KHDRBS2: variants seen among roughly 807,000 people sequenced by gnomAD.
The protein encoded by KHDRBS2 is KH domain-containing, RNA-binding, signal transduction-associated protein 2.
A neutral mutation model predicts 44.3 loss-of-function variants in KHDRBS2; 26 were observed. The ratio of observed to expected loss-of-function variants is 0.59; its 90% CI spans 0.43 to 0.81. The LOEUF is 0.81. Ranked by LOEUF, KHDRBS2 falls within the 40% of genes least tolerant of loss-of-function variation. KHDRBS2 has a pLI of 0.00. For synonymous variants in KHDRBS2, 194 were observed against 151.1 expected (o/e 1.28, Z -2.08); for missense variants, 476 against 433.1 (o/e 1.10, Z -0.88).
chr6:61,849,632 G>GTT (rs201486071), intron 6 of KHDRBS2, among the ~76,000 whole-genome samples: 4 of 144,396 alleles, frequency 2.8e-5, no homozygotes, highest in African/African-American at 5.1e-5. Context: ...GAGAAACAAA[G>GTT]TTTTTTTTTT....
chr6:62,237,977 T>TGCAGTGA (rs150187166), intron 1 of KHDRBS2, among the ~76,000 whole-genome samples: 6 of 150,576 alleles, frequency 4.0e-5, no homozygotes, highest in African/African-American at 7.4e-5. Context: ...AGGCGGAGGT[T>TGCAGTGA]GCAGTGAGCA....
At chr6:61,573,967 G>C in the KHDRBS2 span, among the ~76,000 whole-genome samples, 89,733 of 151,734 alleles carry the variant, frequency 0.59, 26,732 homozygotes, top group Non-Finnish European at 0.61. Flanking sequence ...CAATAGAGAA[G>C]CCAGAAATGA....
At chr6:61,736,067 T>G (rs1194542614) in intron 6 of KHDRBS2, among the ~76,000 whole-genome samples, 2 of 151,822 alleles carry the variant, frequency 1.3e-5, no homozygotes, top group Non-Finnish European at 2.9e-5. Context: ...TATTCTTCAG[T>G]TGTGGAAAAT....
chr6:61,771,526 G>C (rs1169953939), intron 6 of KHDRBS2, among the ~76,000 whole-genome samples: 1 of 152,054 alleles, frequency 6.6e-6, no homozygotes, highest in Non-Finnish European at 1.5e-5. Flanking sequence ...AAAAAGGCAG[G>C]AGTTGCAATC....
In KHDRBS2 at chr6:62,095,677, A is replaced by G. The variant is rs1800435974; in HGVS notation, c.220-47683T>C. On this transcript the variant is annotated intron_variant, in intron 2 of 8. Transcript: ENST00000281156. The stretch of plus-strand genomic sequence containing the variant: ...GTTGTCTCCAAACAGGGACAATCTA[A>G]CTTTCTCATTTCTAATTTGTATACC... Among the ~76,000 whole-genome samples the G allele has an allele frequency of 2.0e-5, 3 of 152,022 alleles. No homozygotes were observed. The South Asian group carries it at 6.2e-4, about 31-fold the overall frequency.
chr6:62,130,292 T>G (rs528053085), intron 2 of KHDRBS2, among the ~76,000 whole-genome samples: 99 of 152,280 alleles, frequency 6.5e-4, no homozygotes, highest in African/African-American at 2.3e-3. Flanking sequence ...AGTGATAGTT[T>G]GCTGCACCTC....
chr6:61,607,118 C>A, the KHDRBS2 span, among the ~76,000 whole-genome samples: 1 of 151,488 alleles, frequency 6.6e-6, no homozygotes, highest in African/African-American at 2.4e-5. Flanking sequence ...AAGTTAGTTA[C>A]AACAGACTAT....
intron 6 of KHDRBS2, among the ~76,000 whole-genome samples, chr6:61,753,925 CAT>C (rs1407564141): frequency 6.6e-6 from 1 of 151,998 alleles, no homozygotes; most frequent in Non-Finnish European, 1.5e-5. Context: ...GGAGATAAGA[CAT>C]GTGGAAAAAA....
intron 2 of KHDRBS2, among the ~76,000 whole-genome samples, chr6:62,172,718 A>AC (rs1820299601): frequency 6.6e-6 from 1 of 151,252 alleles, no homozygotes; most frequent in African/African-American, 2.4e-5. Flanking sequence ...AAAAAAAAAA[A>AC]ACCTGGAATC....
chr6:61,784,382 TG>T (rs1355081765), intron 6 of KHDRBS2, among the ~76,000 whole-genome samples: 1 of 151,422 alleles, frequency 6.6e-6, no homozygotes, highest in Non-Finnish European at 1.5e-5. Context: ...TCTATGAAGA[TG>T]ATTTCAATTA....
intron 1 of KHDRBS2, among the ~76,000 whole-genome samples, chr6:62,259,200 C>T (rs1428259753): frequency 4.0e-5 from 6 of 151,860 alleles, no homozygotes; most frequent in Non-Finnish European, 7.4e-5. Flanking sequence ...CTGGAAATTA[C>T]CAAAACTATA....
chr6:61,591,332 A>C, the KHDRBS2 span, among the ~76,000 whole-genome samples: 458 of 152,306 alleles, frequency 3.0e-3, 4 homozygotes, highest in African/African-American at 0.011. Flanking sequence ...ATAAATCCAT[A>C]AGTATGGAGA....
chr6:62,009,566 T>G (rs1396066735), intron 3 of KHDRBS2, among the ~76,000 whole-genome samples: 2 of 152,144 alleles, frequency 1.3e-5, no homozygotes, highest in East Asian at 3.9e-4. Flanking sequence ...GAGATCTTCA[T>G]GGCAGCCGCT....
intron 6 of KHDRBS2, among the ~76,000 whole-genome samples, chr6:61,876,764 T>C (rs922897359): frequency 2.6e-5 from 4 of 152,092 alleles, no homozygotes; most frequent in Non-Finnish European, 4.4e-5. Context: ...AAATTTGACA[T>C]GGTTTTATGT....
chr6:61,648,521 G>A, the KHDRBS2 span, among the ~76,000 whole-genome samples: 1 of 152,214 alleles, frequency 6.6e-6, no homozygotes, highest in East Asian at 1.9e-4. Context: ...TTTGCCCTGT[G>A]TGTCAGGTGC....
At chr6:61,742,512 A>G (rs879446080) in intron 6 of KHDRBS2, among the ~76,000 whole-genome samples, 5 of 152,098 alleles carry the variant, frequency 3.3e-5, no homozygotes, top group Middle Eastern at 3.4e-3. Context: ...GTTACATTCT[A>G]TCTGTGGTAT....
intron 4 of KHDRBS2, among the ~76,000 whole-genome samples, chr6:61,931,502 C>A (rs1393200889): frequency 6.6e-6 from 1 of 151,946 alleles, no homozygotes. Flanking sequence ...CACTTGATAA[C>A]ATATTATCAC....
chr6:62,090,509 C>T (rs1210283989), intron 2 of KHDRBS2, among the ~76,000 whole-genome samples: 1 of 151,590 alleles, frequency 6.6e-6, no homozygotes, highest in African/African-American at 2.4e-5. Context: ...TCTGTTAATA[C>T]CAATGCAATT....
At chr6:62,084,212 T>A (rs1292899261) in intron 2 of KHDRBS2, among the ~76,000 whole-genome samples, 1 of 152,140 alleles carries the variant, frequency 6.6e-6, no homozygotes, top group Non-Finnish European at 1.5e-5. Flanking sequence ...ATGAATTTTG[T>A]AAAAGAGAAG....
Sources: gnomAD v4.1 joint callset for allele counts (sites outside exome capture counted in the v4.1 genomes callset) on GRCh38, gnomAD v4.1.1 for gene constraint, MANE v1.5 for transcripts, NCBI Gene and HGNC (gene_info 2026-07-23, HGNC 2026-07-21) for gene names.